Variants in CIITA observed in about 807,000 individuals in gnomAD.
The protein encoded by CIITA is MHC class II transactivator.
Under a neutral mutation model 115.1 loss-of-function variants are expected in CIITA, and 72 were observed. The observed-to-expected ratio is 0.63, with a 90% CI of 0.52 to 0.76. CIITA has a LOEUF of 0.76. CIITA is among the 30% of genes least tolerant of loss of function. The pLI is 0.00. For missense variants in CIITA, 1,617 were observed against 1,463.8 expected, an observed-to-expected ratio of 1.10 and a Z score of -1.71; for synonymous variants, 763 against 635.6, an observed-to-expected ratio of 1.20 and a Z score of -3.02.
Position 10,941,890 on chromosome 16 carries a change from A to G in CIITA, n.1016A>G. 6.2e-7 allele frequency: 1 copy of G among 1,610,818 alleles called. No individual in the cohort carries two copies. Among genetic ancestry groups the G allele is most frequent in the Non-Finnish European group, 8.5e-7 (1 of 1,179,298 alleles). On this transcript the variant is annotated non_coding_transcript_exon_variant, in exon 2 of 2. Transcript: ENST00000573379. The surrounding 1 kb of genome is among the most constrained non-coding windows in gnomAD (Gnocchi z 6.4). ...CATGAGGAAGGCGTAGTACAGGATCAGCACATTGACGAAGAACAGGCCCAC... is the reference window on the plus strand; with the variant it reads ...CATGAGGAAGGCGTAGTACAGGATCGGCACATTGACGAAGAACAGGCCCAC...
intron 1 of CIITA, among the ~76,000 whole-genome samples, chr16:10,878,571 T>C (rs2036070266): frequency 6.6e-6 from 1 of 152,210 alleles, no homozygotes. Context: ...AGTTAGCTCA[T>C]CTCAGGGGCC....
chr16:10,914,965 G>T, intron 13 of CIITA: 1 of 427,028 alleles, frequency 2.3e-6, no homozygotes, highest in South Asian at 1.7e-5. Flanking sequence ...TGGATGTTGG[G>T]AAGAGTAAGA....
intron 5 of CIITA, among the ~76,000 whole-genome samples, chr16:10,900,577 T>C (rs1198752020): frequency 6.6e-6 from 1 of 151,696 alleles, no homozygotes; most frequent in Non-Finnish European, 1.5e-5. Context: ...CCATCTCTAC[T>C]AAAAATACAA....
intron 10 of CIITA, among the ~76,000 whole-genome samples, chr16:10,905,833 G>A (rs201143961): frequency 2.6e-5 from 4 of 152,094 alleles, no homozygotes; most frequent in East Asian, 1.9e-4. Context: ...TGAAGGAATG[G>A]GTGTGGAAAT....
intron 15 of CIITA, 30 bp downstream of exon 15, chr16:10,916,489 G>C (rs775171974): frequency 1.3e-6 from 2 of 1,584,858 alleles, no homozygotes. Flanking sequence ...CCTTCCTGCT[G>C]AATCGGGCCC....
rs927435823 is a variant in CIITA at position 10,916,584 on chromosome 16, G to C, written c.3062+125G>C. The C allele has an allele frequency of 7.3e-6, 6 of 823,236 alleles. No individual in the cohort carries two copies. In the Admixed American group the frequency reaches 1.2e-4, roughly 17 times the overall value. The allele number at this position is 823,236 out of a possible 1,614,324, so 51.0% of individuals were successfully genotyped here. A position where few individuals can be genotyped will look rare whatever the true frequency, so the allele number is the denominator to read the frequency against. ...GCTGTGTCACCCAGGCTAGAATATA[G>C]TGCTATGATCATACCTCTGCAGCCT... On this transcript the variant is annotated intron_variant, in intron 15 of 19. Transcript: ENST00000324288.
Position 10,907,121 on chromosome 16 carries a change from C to T in CIITA, c.1629C>T (p.Leu543=), listed in dbSNP as rs2039222906. The change falls in exon 11 of 20, where the codon CTC becomes CTT. Residue 543 remains leucine, a synonymous_variant. Transcript: ENST00000324288. The surrounding 1 kb of genome is among the most constrained non-coding windows in gnomAD (Gnocchi z 5.0). ...AGAAGCTGCTCCGAGGTTGCACCCTCCTCCTCACAGCCCGGCCCCGGGGCC... is the reference window on the plus strand; with the variant it reads ...AGAAGCTGCTCCGAGGTTGCACCCTTCTCCTCACAGCCCGGCCCCGGGGCC... The part of the protein sequence containing the change: ...FQKKLLRGCT[L]LLTARPRGRL... 4 of 1,611,832 alleles carry T rather than the reference C, an allele frequency of 2.5e-6. No homozygotes were observed. The highest frequency in any genetic ancestry group is 2.7e-5 in the African/African-American group (2 of 75,042).
chr16:10,894,538 A>T (rs929867996), intron 1 of CIITA, among the ~76,000 whole-genome samples: 1 of 152,254 alleles, frequency 6.6e-6, no homozygotes, highest in Non-Finnish European at 1.5e-5. Flanking sequence ...CATGCATAGA[A>T]GGTATAATGA....
Position 10,901,881 on chromosome 16 carries a change from AC to A in CIITA, c.482-156del. 1 of 1,069,832 alleles carries A rather than the reference AC, an allele frequency of 9.3e-7. No homozygotes were observed. The highest frequency in any genetic ancestry group is 1.4e-6 in the Non-Finnish European group (1 of 710,492). 66.3% of individuals were successfully genotyped at this position (1,069,832 alleles called of 1,614,324 possible). A position where few individuals can be genotyped will look rare whatever the true frequency, so the allele number is the denominator to read the frequency against. Reference sequence around the variant, plus strand: ...GGAGAGGACTGGGGGACTGCCTGGCACAGAGCAGTTGCTGATCAACACAGCT... The same window carrying A: ...GGAGAGGACTGGGGGACTGCCTGGCAAGAGCAGTTGCTGATCAACACAGCT... On this transcript the variant is annotated intron_variant, in intron 6 of 19. Transcript: ENST00000324288. The surrounding 1 kb of genome is among the most constrained non-coding windows in gnomAD (Gnocchi z 6.8).
upstream of CIITA, among the ~76,000 whole-genome samples, chr16:10,872,429 C>T (rs981353798): frequency 2.6e-5 from 4 of 152,084 alleles, no homozygotes; most frequent in South Asian, 8.3e-4. Context: ...AGCCTCTCGC[C>T]CTGTCTTATG....
In CIITA at chr16:10,941,670, G is replaced by A; in HGVS notation, n.796G>A. ...GCATGATCTGGGCGGCTGGTCCAGG[G>A]CATGGGTTGCGGATCGTGTAGGGAA... On this transcript the variant is annotated non_coding_transcript_exon_variant, in exon 2 of 2. Transcript: ENST00000573379. The surrounding 1 kb of genome is among the most constrained non-coding windows in gnomAD (Gnocchi z 6.4). The A allele has an allele frequency of 3.2e-6, 5 of 1,559,856 alleles. No homozygotes were observed. The highest frequency in any genetic ancestry group is 4.3e-6 in the Non-Finnish European group (5 of 1,149,880).
At chr16:10,917,394 G>T (rs1017921690) in intron 15 of CIITA, among the ~76,000 whole-genome samples, 2 of 151,660 alleles carry the variant, frequency 1.3e-5, no homozygotes, top group African/African-American at 4.8e-5. Context: ...GGCTGGTCTT[G>T]AACTTCTGAG....
chr16:10,916,878 T>G (rs1183592130), intron 15 of CIITA: 1 of 355,700 alleles, frequency 2.8e-6, no homozygotes, highest in Admixed American at 4.4e-5. Flanking sequence ...ACCTACTATG[T>G]GCAGGCACCT....
intron 16 of CIITA, among the ~76,000 whole-genome samples, chr16:10,919,208 T>C (rs2040134153): frequency 6.6e-6 from 1 of 152,104 alleles, no homozygotes; most frequent in African/African-American, 2.4e-5. Context: ...TAATTTCTGT[T>C]TTTGAGATGG....
At chr16:10,909,672 TG>T (rs887160487) in intron 12 of CIITA, among the ~76,000 whole-genome samples, 1 of 152,252 alleles carries the variant, frequency 6.6e-6, no homozygotes, top group African/African-American at 2.4e-5. Context: ...GGATAGGTAC[TG>T]GTAAGTGCCT....
At position 10,895,745 on chromosome 16, in the gene CIITA, G is replaced by A. The variant is rs149531285; in HGVS notation, c.276G>A (p.Arg92=). The stretch of plus-strand genomic sequence containing the variant: ...ACATGGAAGGTGATGAAGAGACCAG[G>A]GAGGCTTATGCCAATATCGGTGAGG... The part of the protein sequence containing the change: ...LCDMEGDEET[R]EAYANIAELD... Residue 92 remains arginine, a synonymous_variant, in exon 3 of 20, where the codon AGG becomes AGA. Coordinates refer to ENST00000324288, the MANE Select transcript of CIITA (RefSeq NM_000246.4). The A allele has an allele frequency of 1.2e-6, 2 of 1,614,022 alleles. No homozygotes were observed. The highest frequency in any genetic ancestry group is 2.7e-5 in the African/African-American group (2 of 74,992).
chr16:10,877,816 C>T (rs531102570), intron 1 of CIITA, among the ~76,000 whole-genome samples: 2 of 152,288 alleles, frequency 1.3e-5, no homozygotes, highest in East Asian at 1.9e-4. Flanking sequence ...TGAGGTGTAG[C>T]TGTTGAGCCC....
rs555177850 is a variant in CIITA at position 10,869,316 on chromosome 16, G to A, written c.-21+2997G>A. Among the ~76,000 whole-genome samples the A allele has an allele frequency of 1.7e-3, 253 of 152,228 alleles. 1 individual carries two copies. The highest frequency in any genetic ancestry group is 3.1e-3 in the Non-Finnish European group (210 of 68,016). On this transcript the variant is annotated intron_variant, in intron 1 of 5. Coordinates refer to the CIITA transcript ENST00000636238. ...GGCACCCTCGCTGTTCCTTAGACAC[G>A]CTCAGCACACTGTCTGCCTCAGAAC...
rs997931119 is a variant in CIITA at position 10,942,287 on chromosome 16, G to T, written n.1413G>T. 3.1e-6 allele frequency: 1 copy of T among 318,956 alleles called. No individual in the cohort carries two copies. Among genetic ancestry groups the T allele is most frequent in the Non-Finnish European group, 5.8e-6 (1 of 173,190 alleles). The allele number at this position is 318,956 out of a possible 1,614,324, so 19.8% of individuals were successfully genotyped here. ...CGCGGCTGCCCGGCTCCCTCGTGGC[G>T]CCTCCCTGGCGCTCGCAGGGCCTCG... On this transcript the variant is annotated non_coding_transcript_exon_variant, in exon 2 of 2. Transcript: ENST00000573379. This position sits in a 1 kb window ranked among gnomAD's most constrained non-coding sequence, Gnocchi z 5.0.
Sources: gnomAD v4.1 joint callset for allele counts (sites outside exome capture counted in the v4.1 genomes callset) on GRCh38, gnomAD v4.1.1 for gene constraint, Gnocchi (gnomAD v3.1) non-coding constraint, MANE v1.5 for transcripts, NCBI Gene and HGNC (gene_info 2026-07-23, HGNC 2026-07-21) for gene names.